The following APPL2 variants were observed in gnomAD, a reference collection of about 807,000 sequenced individuals.
The protein encoded by APPL2 is DCC-interacting protein 13-beta.
In APPL2, 84 loss-of-function variants were observed where a neutral mutation model predicts 92.7. The observed-to-expected ratio is 0.91, with a 90% CI of 0.76 to 1.09. APPL2 has a LOEUF of 1.09. Ranked by LOEUF, APPL2 falls within the 50% of genes least tolerant of loss-of-function variation. The pLI, the probability that APPL2 is intolerant of heterozygous loss-of-function variation, is 0.00. For missense variants in APPL2, 736 were observed against 824.5 expected (o/e 0.89, Z 1.31); for synonymous variants, 291 against 291.0 (o/e 1.00, Z 0.00).
rs566457837 is a variant in APPL2 at position 105,230,364 on chromosome 12, T to G, written c.55-1141A>C. Among the ~76,000 whole-genome samples the G allele has an allele frequency of 2.6e-5, 4 of 152,086 alleles. No homozygotes were observed. In the South Asian group the frequency reaches 8.3e-4, roughly 32 times the overall value. ...TACTGGATGGTGTACGAACAAGAAT[T>G]AAGGTGCACAGAGGCAGATCTACTC... is the stretch of plus-strand genomic sequence containing the variant. On this transcript the variant is annotated intron_variant, in intron 1 of 20. Transcript: ENST00000258530.
At chr12:105,183,868 A>G (rs1486481945) in intron 17 of APPL2, among the ~76,000 whole-genome samples, 1 of 152,108 alleles carries the variant, frequency 6.6e-6, no homozygotes, top group East Asian at 1.9e-4. Context: ...ACTTGGTTCC[A>G]TTCTCCCTGT....
At chr12:105,207,238 T>C in intron 7 of APPL2, 31 bp from the exon 8 acceptor site, 1 of 1,602,310 alleles carries the variant, frequency 6.2e-7, no homozygotes, top group Non-Finnish European at 8.5e-7. Flanking sequence ...AAACTTCAAG[T>C]TGTCTACTGT....
intron 11 of APPL2, 119 bp from the exon 12 acceptor site, chr12:105,195,746 TGA>T (rs1281991850): frequency 8.8e-7 from 1 of 1,132,902 alleles, no homozygotes; most frequent in Non-Finnish European, 1.3e-6. Flanking sequence ...GGCAGCATGA[TGA>T]GAGGGAAAGA....
At position 105,217,678 on chromosome 12, in the gene APPL2, T is replaced by A. The variant is rs1889799645; in HGVS notation, c.201A>T (p.Ala67=). The stretch of plus-strand genomic sequence containing the variant: ...AATACCAAGTTACCTGTTTTTCATA[T>A]GCCAGCAGTTGCTTAGAAAGCTGTT... ...ATQQLSKQLL[A]YEKQNFALGK... Residue 67 remains alanine, a synonymous_variant, in exon 3 of 21, where the codon GCA becomes GCT. Transcript: ENST00000258530. 1.9e-6 allele frequency: 3 copies of A among 1,613,930 alleles called. No homozygotes were observed. Among genetic ancestry groups the A allele is most frequent in the African/African-American group, 1.3e-5 (1 of 74,948 alleles).
At chr12:105,229,080 G>T in intron 2 of APPL2, 45 bp downstream of exon 2, 1 of 1,508,252 alleles carries the variant, frequency 6.6e-7, no homozygotes, top group Non-Finnish European at 9.1e-7. Flanking sequence ...GATGAGGGGA[G>T]AGAATGCCCA....
At chr12:105,210,200 T>C (rs1889099465) in intron 5 of APPL2, among the ~76,000 whole-genome samples, 1 of 152,160 alleles carries the variant, frequency 6.6e-6, no homozygotes, top group Non-Finnish European at 1.5e-5. Flanking sequence ...GACCTAGTGA[T>C]CCGCCCGCCT....
At chr12:105,205,911 G>A (rs1484636976) in intron 8 of APPL2, among the ~76,000 whole-genome samples, 1 of 152,202 alleles carries the variant, frequency 6.6e-6, no homozygotes, top group Non-Finnish European at 1.5e-5. Flanking sequence ...GCCCACAGCT[G>A]GGTGGTGCTA....
chr12:105,214,141 G>A (rs748565054), intron 4 of APPL2, among the ~76,000 whole-genome samples: 6 of 152,150 alleles, frequency 3.9e-5, no homozygotes, highest in South Asian at 2.1e-4. Context: ...AGCCAAGATC[G>A]TGCCATTGCA....
intron 9 of APPL2, among the ~76,000 whole-genome samples, chr12:105,200,316 A>G (rs113741174): frequency 2.1e-3 from 326 of 152,372 alleles, no homozygotes; most frequent in African/African-American, 7.5e-3. Flanking sequence ...TGGTTTAGGC[A>G]GGAGTGGTGG....
chr12:105,231,005 C>T (rs1031973031), intron 1 of APPL2, among the ~76,000 whole-genome samples: 10 of 152,224 alleles, frequency 6.6e-5, no homozygotes, highest in Admixed American at 3.9e-4. Flanking sequence ...AGGACCTGAA[C>T]AAAGGTTTTC....
In APPL2 at chr12:105,176,078, CAT is replaced by C. The variant is rs778947802; in HGVS notation, c.1815_1816del (p.Ile605MetfsTer5). On this transcript the variant is annotated frameshift_variant and splice_region_variant, in exon 20 of 21. Transcript: ENST00000258530. LOFTEE classifies it high-confidence loss of function. The stretch of plus-strand genomic sequence containing the variant: ...TTCTTTTCCCAAATTAATAGCATAA[CAT>C]ATCTGCAAAAGACAAGAAAAGTAGT... The C allele has an allele frequency of 1.9e-6, 3 of 1,592,344 alleles. No individual in the cohort carries two copies. Among genetic ancestry groups the C allele is most frequent in the East Asian group, 2.3e-5 (1 of 44,002 alleles).
chr12:105,206,421 AG>A (rs746868479), intron 8 of APPL2, among the ~76,000 whole-genome samples: 11 of 152,104 alleles, frequency 7.2e-5, no homozygotes, highest in Non-Finnish European at 1.5e-4. Context: ...GTGGAAAGTG[AG>A]GGGGTGGTGC....
intron 1 of APPL2, among the ~76,000 whole-genome samples, chr12:105,229,441 G>T (rs916678881): frequency 3.3e-5 from 5 of 152,146 alleles, no homozygotes; most frequent in Admixed American, 2.6e-4. Flanking sequence ...TACAGTGTCA[G>T]GGCAATTTCA....
At chr12:105,231,265 G>A (rs1235350908) in intron 1 of APPL2, among the ~76,000 whole-genome samples, 1 of 150,238 alleles carries the variant, frequency 6.7e-6, no homozygotes, top group East Asian at 2.0e-4. Context: ...AATACTCTAA[G>A]GGATAAAAAC....
chr12:105,184,620 T>A (rs562428563), intron 17 of APPL2, among the ~76,000 whole-genome samples: 1 of 152,304 alleles, frequency 6.6e-6, no homozygotes, highest in East Asian at 1.9e-4. Context: ...TGCTCCTTCC[T>A]CTGGAAGCTT....
intron 1 of APPL2, chr12:105,235,257 T>C (rs1891162389): frequency 1.3e-5 from 2 of 152,314 alleles, no homozygotes; most frequent in African/African-American, 2.4e-5. Flanking sequence ...CTGCACTCAT[T>C]TGCTATATTT....
At chr12:105,197,071 A>G (rs1592783781) in intron 11 of APPL2, among the ~76,000 whole-genome samples, 1 of 152,226 alleles carries the variant, frequency 6.6e-6, no homozygotes, top group East Asian at 1.9e-4. Flanking sequence ...GATGACGGGC[A>G]GGGCCACTCC....
intron 20 of APPL2, among the ~76,000 whole-genome samples, chr12:105,175,094 G>A (rs903808500): frequency 3.9e-4 from 60 of 152,168 alleles, no homozygotes; most frequent in Non-Finnish European, 7.3e-5. Context: ...ATGTTGGCCA[G>A]GCTGGTCTTG....
At chr12:105,176,803 A>G in intron 19 of APPL2, 73 bp downstream of exon 19, 1 of 1,542,522 alleles carries the variant, frequency 6.5e-7, no homozygotes, top group Non-Finnish European at 8.8e-7. Flanking sequence ...CCAAGGAAGT[A>G]ATGCCAGAAA....
Sources: allele counts gnomAD v4.1 joint callset (sites outside exome capture counted in the v4.1 genomes callset), GRCh38; gene constraint gnomAD v4.1.1; transcripts MANE v1.5; gene names NCBI Gene and HGNC (gene_info 2026-07-23, HGNC 2026-07-21).